The following BMP2K variants were observed in gnomAD, a reference collection of about 807,000 sequenced individuals.
BMP2K encodes the protein BMP2 inducible kinase.
Under a neutral mutation model 116.0 loss-of-function variants are expected in BMP2K, and 74 were observed. The observed-to-expected ratio is 0.64, with a 90% CI of 0.53 to 0.77. BMP2K has a LOEUF of 0.77. BMP2K is among the 30% of genes least tolerant of loss of function. The pLI, the probability that BMP2K is intolerant of heterozygous loss-of-function variation, is 0.00. For missense variants in BMP2K, 1,365 were observed against 1,403.6 expected (o/e 0.97, Z 0.44); for synonymous variants, 486 against 502.5 (o/e 0.97, Z 0.44).
chr4:78,776,520 GC>G lies in BMP2K; in HGVS notation c.-21del. 1 of 1,136,358 alleles carries G rather than the reference GC, an allele frequency of 8.8e-7. No homozygotes were observed. 70.4% of individuals were successfully genotyped at this position (1,136,358 alleles called of 1,614,324 possible). On this transcript the variant is annotated 5_prime_UTR_variant, in exon 1 of 16. Coordinates refer to ENST00000502613, the MANE Select transcript of BMP2K (RefSeq NM_198892.2). The stretch of plus-strand genomic sequence containing the variant: ...GGACTTGCCCTTGCACGCTCCCTGC[GC>G]CCTCCAGCTCGCCGGCGGGACCATG...
At chr4:78,814,087 G>A (rs1729215241) in intron 1 of BMP2K, among the ~76,000 whole-genome samples, 1 of 152,184 alleles carries the variant, frequency 6.6e-6, no homozygotes, top group African/African-American at 2.4e-5. Flanking sequence ...ATGGGGACTT[G>A]GAATGAGATG....
intron 9 of BMP2K, among the ~76,000 whole-genome samples, 188 bp from the exon 10 acceptor site, chr4:78,865,369 A>G (rs1294382015): frequency 3.3e-5 from 5 of 152,060 alleles, no homozygotes; most frequent in Admixed American, 2.6e-4. Flanking sequence ...GAAAATTGTT[A>G]GTTTTATTTA....
chr4:78,901,702 C>T (rs1189056516), intron 15 of BMP2K, among the ~76,000 whole-genome samples: 5 of 152,174 alleles, frequency 3.3e-5, no homozygotes, highest in Non-Finnish European at 7.3e-5. Context: ...ATAGGTGGCT[C>T]TGTGAATTAT....
intron 3 of BMP2K, among the ~76,000 whole-genome samples, chr4:78,835,490 GT>G (rs1342548200): frequency 6.6e-6 from 1 of 151,856 alleles, no homozygotes; most frequent in Non-Finnish European, 1.5e-5. Flanking sequence ...TTAGCCGAGC[GT>G]TGTGGCAGGT....
chr4:78,902,396 A>T (rs1384552833), intron 15 of BMP2K, among the ~76,000 whole-genome samples: 1 of 151,936 alleles, frequency 6.6e-6, no homozygotes, highest in Non-Finnish European at 1.5e-5. Context: ...TTCTCTTCTT[A>T]TACTCAAACC....
At chr4:78,790,651 A>G (rs949028966) in intron 1 of BMP2K, among the ~76,000 whole-genome samples, 1 of 152,226 alleles carries the variant, frequency 6.6e-6, no homozygotes, top group African/African-American at 2.4e-5. Context: ...TTTTCAAACT[A>G]TGGAAGTAAC....
chr4:78,866,094 G>A (rs898361685), intron 10 of BMP2K, among the ~76,000 whole-genome samples: 9 of 152,156 alleles, frequency 5.9e-5, no homozygotes, highest in Non-Finnish European at 1.0e-4. Flanking sequence ...CAAAGTTTAT[G>A]TCTTTGTATT....
intron 3 of BMP2K, among the ~76,000 whole-genome samples, chr4:78,836,946 T>C (rs1027226572): frequency 5.9e-5 from 9 of 152,196 alleles, no homozygotes; most frequent in South Asian, 2.1e-4. Context: ...TTTCAAGATA[T>C]ACGTGCCTTA....
At chr4:78,845,823 A>G (rs953015004) in intron 5 of BMP2K, among the ~76,000 whole-genome samples, 1 of 151,720 alleles carries the variant, frequency 6.6e-6, no homozygotes, top group African/African-American at 2.4e-5. Context: ...TTGAACTGCA[A>G]TATTTTGAAA....
intron 3 of BMP2K, among the ~76,000 whole-genome samples, chr4:78,835,681 AC>A (rs1730444636): frequency 6.6e-6 from 1 of 151,322 alleles, no homozygotes; most frequent in South Asian, 2.1e-4. Flanking sequence ...CTGAATCAGT[AC>A]CCTCCTGCCT....
At chr4:78,889,220 C>CAAAAAA (rs71661191) in intron 15 of BMP2K, among the ~76,000 whole-genome samples, 1 of 53,730 alleles carries the variant, frequency 1.9e-5, no homozygotes, top group African/African-American at 6.9e-5. Flanking sequence ...GACTCTGTCT[C>CAAAAAA]AAAAAAAAAA....
intron 15 of BMP2K, among the ~76,000 whole-genome samples, chr4:78,892,154 T>C (rs1380142559): frequency 1.3e-5 from 2 of 152,194 alleles, no homozygotes; most frequent in African/African-American, 2.4e-5. Context: ...AGAGTTAGTG[T>C]ATGATGTAGA....
intron 15 of BMP2K, chr4:78,906,247 C>T (rs1734277949): frequency 6.6e-6 from 1 of 152,060 alleles, no homozygotes; most frequent in Admixed American, 6.6e-5. Context: ...AAGTTTATAA[C>T]AGCAGTAAAA....
chr4:78,785,965 C>G (rs188207119), intron 1 of BMP2K, among the ~76,000 whole-genome samples: 96 of 152,254 alleles, frequency 6.3e-4, no homozygotes, highest in African/African-American at 2.3e-3. Context: ...GATTCAGGAC[C>G]CCCTGACCTG....
intron 2 of BMP2K, among the ~76,000 whole-genome samples, chr4:78,829,782 TTTCTTTTCTCTTCTCTTCTCTTCTC>T (rs1336112221): frequency 1.1e-4 from 7 of 64,590 alleles, no homozygotes; most frequent in East Asian, 4.6e-4. Context: ...TTTCTTTTCT[TTTCTTTTCTCTTCTCTTCTCTTCTC>T]TTCTCTTCTC....
At chr4:78,822,453 A>G (rs1158614670) in intron 1 of BMP2K, among the ~76,000 whole-genome samples, 2 of 152,158 alleles carry the variant, frequency 1.3e-5, no homozygotes, top group Admixed American at 6.5e-5. Context: ...AGTGCAAAAG[A>G]TACCAATTAT....
At chr4:78,778,325 AAT>A (rs1450373883) in intron 1 of BMP2K, among the ~76,000 whole-genome samples, 2 of 152,210 alleles carry the variant, frequency 1.3e-5, no homozygotes, top group African/African-American at 4.8e-5. Flanking sequence ...TCAATAAAAA[AAT>A]AATTTTGGAA....
chr4:78,860,104 A>T, intron 8 of BMP2K: 1 of 513,212 alleles, frequency 1.9e-6, no homozygotes, highest in Admixed American at 2.0e-5. Context: ...CTTTGGTATA[A>T]AGAGCACAGG....
At chr4:78,778,705 T>C (rs2109911899) in intron 1 of BMP2K, among the ~76,000 whole-genome samples, 1 of 152,334 alleles carries the variant, frequency 6.6e-6, no homozygotes. Context: ...CCCCTCTCCC[T>C]TCCTAATAAA....
Sources: gnomAD v4.1 joint callset for allele counts (sites outside exome capture counted in the v4.1 genomes callset) on GRCh38, gnomAD v4.1.1 for gene constraint, MANE v1.5 for transcripts, NCBI Gene and HGNC (gene_info 2026-07-23, HGNC 2026-07-21) for gene names.